Variants in SGCZ observed in about 807,000 individuals in gnomAD.
The protein encoded by SGCZ is sarcoglycan zeta.
Under a neutral mutation model 41.3 loss-of-function variants are expected in SGCZ, and 40 were observed. The observed-to-expected ratio is 0.97, with a 90% CI of 0.75 to 1.26. The LOEUF is 1.26. SGCZ is among the 50% of genes most tolerant of loss of function. The pLI, the probability that SGCZ is intolerant of heterozygous loss-of-function variation, is 0.00. For missense variants in SGCZ, 552 were observed against 369.8 expected (o/e 1.49, Z -4.04); for synonymous variants, 206 against 137.5 (o/e 1.50, Z -3.49).
intron 3 of SGCZ, among the ~76,000 whole-genome samples, chr8:14,294,290 G>A (rs1211599214): frequency 6.6e-6 from 1 of 151,706 alleles, no homozygotes; most frequent in Non-Finnish European, 1.5e-5. Context: ...GTAGAAATAT[G>A]TCATTCTCAC....
chr8:14,859,947 T>C (rs1208602918), intron 1 of SGCZ, among the ~76,000 whole-genome samples: 1 of 152,192 alleles, frequency 6.6e-6, no homozygotes, highest in African/African-American at 2.4e-5. Context: ...GACTCAGATG[T>C]CTTGAATGAC....
rs1036566232 is a variant in SGCZ, at chr8:15,237,721, C to G, written c.-98G>C. 1.9e-5 allele frequency: 26 copies of G among 1,341,182 alleles called. No individual in the cohort carries two copies. The highest frequency in any genetic ancestry group is 2.4e-5 in the Non-Finnish European group (23 of 959,090). The allele number at this position is 1,341,182 out of a possible 1,614,324, so 83.1% of individuals were successfully genotyped here. A position where few individuals can be genotyped will look rare whatever the true frequency, so the allele number is the denominator to read the frequency against. ...AGCTTAAACTCAGCTTTATCCTCCT[C>G]CAAGCCCCGGCAGCTCCTCTCAGTC... On this transcript the variant is annotated 5_prime_UTR_variant, in exon 1 of 8. Coordinates refer to ENST00000382080, the MANE Select transcript of SGCZ (RefSeq NM_139167.4).
At chr8:14,501,176 AG>A (rs1802142329) in intron 2 of SGCZ, among the ~76,000 whole-genome samples, 1 of 151,846 alleles carries the variant, frequency 6.6e-6, no homozygotes, top group South Asian at 2.1e-4. Flanking sequence ...ATTTTAAGCC[AG>A]GAGTGTAGTA....
At chr8:14,603,812 C>A (rs1028179237) in intron 1 of SGCZ, among the ~76,000 whole-genome samples, 1 of 152,008 alleles carries the variant, frequency 6.6e-6, no homozygotes, top group Non-Finnish European at 1.5e-5. Context: ...GATCGGGACC[C>A]TTGTCCTGTC....
chr8:14,257,106 A>T (rs1799492333), intron 3 of SGCZ, among the ~76,000 whole-genome samples: 1 of 152,122 alleles, frequency 6.6e-6, no homozygotes, highest in Non-Finnish European at 1.5e-5. Context: ...AAGTGGACAG[A>T]TTGCTTTAAT....
chr8:14,150,201 T>C (rs369861839), intron 5 of SGCZ, among the ~76,000 whole-genome samples: 15 of 152,174 alleles, frequency 9.9e-5, no homozygotes, highest in Admixed American at 5.9e-4. Flanking sequence ...AAAAAGCTTT[T>C]GCTGTTATGA....
chr8:15,147,745 G>T (rs268441), intron 1 of SGCZ, among the ~76,000 whole-genome samples: 1 of 152,092 alleles, frequency 6.6e-6, no homozygotes, highest in Non-Finnish European at 1.5e-5. Flanking sequence ...TGTTGCAGAA[G>T]GGGTTCTGAG....
At chr8:14,762,525 T>A (rs138581214) in intron 1 of SGCZ, among the ~76,000 whole-genome samples, 1 of 152,206 alleles carries the variant, frequency 6.6e-6, no homozygotes, top group African/African-American at 2.4e-5. Flanking sequence ...AAGTACTGAA[T>A]GAATAGGGAG....
intron 1 of SGCZ, among the ~76,000 whole-genome samples, chr8:14,822,563 A>C (rs1802139821): frequency 6.6e-6 from 1 of 152,172 alleles, no homozygotes; most frequent in Admixed American, 6.5e-5. Context: ...ATATCACACC[A>C]CTTAACTTCA....
chr8:14,425,485 G>T (rs1799754955), intron 2 of SGCZ, among the ~76,000 whole-genome samples: 1 of 151,998 alleles, frequency 6.6e-6, no homozygotes. Context: ...GCTGGGCTTG[G>T]TGGCAGCCAC....
At chr8:14,181,482 C>A (rs1049212580) in intron 4 of SGCZ, among the ~76,000 whole-genome samples, 3 of 152,180 alleles carry the variant, frequency 2.0e-5, no homozygotes, top group Admixed American at 6.5e-5. Flanking sequence ...AACAGAGAAC[C>A]AACATAAGCT....
At chr8:14,782,089 G>C (rs1453418735) in intron 1 of SGCZ, among the ~76,000 whole-genome samples, 1 of 152,080 alleles carries the variant, frequency 6.6e-6, no homozygotes, top group Non-Finnish European at 1.5e-5. Context: ...GATGTATTTA[G>C]CAAATCACTT....
At chr8:14,131,142 C>G (rs1330011388) in intron 5 of SGCZ, among the ~76,000 whole-genome samples, 1 of 152,130 alleles carries the variant, frequency 6.6e-6, no homozygotes, top group African/African-American at 2.4e-5. Flanking sequence ...GTGTCCACAT[C>G]CTTGATTTCC....
chr8:14,179,497 T>C (rs115005238), intron 4 of SGCZ, among the ~76,000 whole-genome samples: 1,858 of 152,298 alleles, frequency 0.012, 37 homozygotes, highest in African/African-American at 0.042. Flanking sequence ...ACAGTCTGGT[T>C]GCACAGGACC....
At chr8:14,705,969 G>C (rs1200969583) in intron 1 of SGCZ, among the ~76,000 whole-genome samples, 1 of 151,920 alleles carries the variant, frequency 6.6e-6, no homozygotes, top group Non-Finnish European at 1.5e-5. Context: ...ATAATTATTT[G>C]TTGAATGAAT....
At chr8:14,954,021 A>G (rs1363613742) in intron 1 of SGCZ, among the ~76,000 whole-genome samples, 1 of 152,204 alleles carries the variant, frequency 6.6e-6, no homozygotes, top group East Asian at 1.9e-4. Context: ...TGACAGATAA[A>G]ACAGTCAATG....
intron 2 of SGCZ, among the ~76,000 whole-genome samples, chr8:14,438,760 T>G: frequency 6.6e-6 from 1 of 152,034 alleles, no homozygotes; most frequent in East Asian, 1.9e-4. Context: ...AAAATATCAC[T>G]GTAACATTAT....
rs1353930744 is a variant in SGCZ at position 14,596,598 on chromosome 8, T to C, written c.40-41672A>G. Among the ~76,000 whole-genome samples the C allele has an allele frequency of 2.6e-5, 4 of 152,130 alleles. No individual in the cohort carries two copies. The East Asian group carries it at 7.7e-4, about 29-fold the overall frequency. On this transcript the variant is annotated intron_variant, in intron 1 of 7. Transcript: ENST00000382080. ...CCAAGATTTCCTTGGACTACAGTAATTGCAGCAATTTCAAAAACACTGAAT... is the reference window on the plus strand; with the variant it reads ...CCAAGATTTCCTTGGACTACAGTAACTGCAGCAATTTCAAAAACACTGAAT...
intron 1 of SGCZ, among the ~76,000 whole-genome samples, chr8:14,886,842 T>G (rs1804825581): frequency 6.6e-6 from 1 of 152,112 alleles, no homozygotes; most frequent in African/African-American, 2.4e-5. Context: ...AAGGGGCAAG[T>G]TGGCACCCAG....
Sources: allele counts gnomAD v4.1 joint callset (sites outside exome capture counted in the v4.1 genomes callset), GRCh38; gene constraint gnomAD v4.1.1; transcripts MANE v1.5; gene names NCBI Gene and HGNC (gene_info 2026-07-23, HGNC 2026-07-21).